The following SYT14 variants were observed in gnomAD, a reference collection of about 807,000 sequenced individuals.
SYT14 encodes the protein synaptotagmin-14.
In SYT14, 32 loss-of-function variants were observed where a neutral mutation model predicts 74.2. The ratio of observed to expected loss-of-function variants is 0.43; its 90% CI spans 0.33 to 0.58. SYT14 has a LOEUF of 0.58. SYT14 is among the 20% of genes least tolerant of loss of function. The pLI, the probability that SYT14 is intolerant of heterozygous loss-of-function variation, is 0.05. For missense variants in SYT14, 791 were observed against 981.8 expected (o/e 0.81, Z 2.60); for synonymous variants, 298 against 337.7 (o/e 0.88, Z 1.29).
exon 10 of SYT14, chr1:210,167,499 CATAT>C (rs1276833921): frequency 2.6e-5 from 4 of 152,186 alleles, no homozygotes; most frequent in African/African-American, 7.2e-5. Flanking sequence ...CCTCATTTCA[CATAT>C]AGCCATATTT....
intron 4 of SYT14, chr1:210,017,202 T>C: frequency 1.3e-6 from 1 of 772,188 alleles, no homozygotes; most frequent in Non-Finnish European, 1.8e-6. Context: ...TTCATGTGTC[T>C]ATATTTAAGA....
intron 1 of SYT14, among the ~76,000 whole-genome samples, chr1:209,951,351 T>C (rs182389741): frequency 1.2e-4 from 19 of 152,276 alleles, no homozygotes; most frequent in African/African-American, 4.6e-4. Context: ...AATCTGACTT[T>C]TGTAGATTCC....
At chr1:209,990,549 G>GTATATATACGTATATATATA (rs2079652051) in intron 2 of SYT14, among the ~76,000 whole-genome samples, 1 of 56,892 alleles carries the variant, frequency 1.8e-5, no homozygotes, top group East Asian at 5.4e-4. Context: ...GTATATATAT[G>GTATATATACGTATATATATA]TATATATATA....
chr1:210,019,730 A>T (rs2080264106), intron 4 of SYT14, among the ~76,000 whole-genome samples: 1 of 152,192 alleles, frequency 6.6e-6, no homozygotes, highest in South Asian at 2.1e-4. Context: ...TTTCAACCTC[A>T]ATTTCTTTAC....
At chr1:210,171,223 A>G (rs191152235) in exon 10 of SYT14, 1 of 152,336 alleles carries the variant, frequency 6.6e-6, no homozygotes, top group East Asian at 1.9e-4. Context: ...ATTTATAACA[A>G]CAGACTTAAC....
intron 5 of SYT14, among the ~76,000 whole-genome samples, chr1:210,036,158 GTTTGTT>G (rs978447655): frequency 4.1e-4 from 62 of 151,506 alleles, no homozygotes; most frequent in African/African-American, 1.2e-3. Flanking sequence ...TTTTTTGTTT[GTTTGTT>G]TTTGTTTTTG....
intron 2 of SYT14, among the ~76,000 whole-genome samples, chr1:209,998,194 C>A (rs1258940390): frequency 3.3e-5 from 5 of 151,840 alleles, no homozygotes; most frequent in Non-Finnish European, 7.4e-5. Context: ...AGAAGGCAAT[C>A]ACATTAACCA....
chr1:210,160,564 A>AT (rs1349828321), intron 9 of SYT14, among the ~76,000 whole-genome samples, 165 bp from the exon 9 acceptor site: 1 of 152,212 alleles, frequency 6.6e-6, no homozygotes, highest in Non-Finnish European at 1.5e-5. Context: ...TATTTGTCAC[A>AT]TATTATAAGC....
chr1:210,059,838 A>G (rs531492929), intron 5 of SYT14, among the ~76,000 whole-genome samples: 9 of 152,264 alleles, frequency 5.9e-5, no homozygotes, highest in African/African-American at 2.2e-4. Flanking sequence ...AGACATGTTT[A>G]TATATAGTCT....
At chr1:209,999,956 A>G (rs1356365324) in intron 2 of SYT14, among the ~76,000 whole-genome samples, 1 of 152,198 alleles carries the variant, frequency 6.6e-6, no homozygotes, top group African/African-American at 2.4e-5. Context: ...TGGATACCTT[A>G]AAGTACTCCA....
intron 2 of SYT14, among the ~76,000 whole-genome samples, chr1:210,006,051 T>C (rs890192205): frequency 2.0e-4 from 30 of 151,910 alleles, no homozygotes; most frequent in Admixed American, 1.9e-3. Context: ...TAGGTAACTG[T>C]TTCTCTTAGA....
chr1:210,157,668 G>A (rs1164257449), intron 8 of SYT14, among the ~76,000 whole-genome samples: 1 of 152,010 alleles, frequency 6.6e-6, no homozygotes, highest in African/African-American at 2.4e-5. Flanking sequence ...CTTGAACCCA[G>A]GTGGCGGAGG....
chr1:210,098,686 GT>G (rs201322057), intron 6 of SYT14, among the ~76,000 whole-genome samples: 94 of 144,716 alleles, frequency 6.5e-4, no homozygotes, highest in Non-Finnish European at 5.8e-4. Flanking sequence ...TGTGGACAGT[GT>G]TTTTTTTTTT....
chr1:210,030,676 T>C (rs2080511858), intron 5 of SYT14, among the ~76,000 whole-genome samples: 1 of 152,150 alleles, frequency 6.6e-6, no homozygotes, highest in Non-Finnish European at 1.5e-5. Context: ...TCTTAGAGGA[T>C]AAGGTTTCAG....
chr1:210,109,109 A>C (rs1188808203), intron 7 of SYT14, among the ~76,000 whole-genome samples: 1 of 152,206 alleles, frequency 6.6e-6, no homozygotes, highest in Admixed American at 6.5e-5. Context: ...ATTTACAAGA[A>C]AAAAACAACT....
chr1:209,991,231 A>G (rs1328758047), intron 2 of SYT14, among the ~76,000 whole-genome samples: 1 of 152,224 alleles, frequency 6.6e-6, no homozygotes, highest in Non-Finnish European at 1.5e-5. Flanking sequence ...CCAAGAATTC[A>G]TGACTGAGAC....
At chr1:210,121,318 C>T (rs933211281) in intron 7 of SYT14, among the ~76,000 whole-genome samples, 38 of 151,726 alleles carry the variant, frequency 2.5e-4, no homozygotes, top group African/African-American at 4.8e-4. Flanking sequence ...GATACTAGTC[C>T]GCAAGTAAAA....
chr1:210,049,711 C>T (rs1259007633), intron 5 of SYT14, among the ~76,000 whole-genome samples: 3 of 152,226 alleles, frequency 2.0e-5, no homozygotes, highest in African/African-American at 7.2e-5. Context: ...GCCCAAACAC[C>T]AGTTCTTGAC....
At chr1:210,044,954 T>C (rs1171134784) in intron 5 of SYT14, among the ~76,000 whole-genome samples, 1 of 152,196 alleles carries the variant, frequency 6.6e-6, no homozygotes, top group Non-Finnish European at 1.5e-5. Context: ...AAACCATTCA[T>C]GAAGGATCTG....
Sources: allele counts gnomAD v4.1 joint callset (sites outside exome capture counted in the v4.1 genomes callset), GRCh38; gene constraint gnomAD v4.1.1; transcripts MANE v1.5; gene names NCBI Gene and HGNC (gene_info 2026-07-23, HGNC 2026-07-21).